Variants in RAD18 observed in about 807,000 individuals in gnomAD.
RAD18 encodes RAD18 E3 ubiquitin protein ligase, also known as E3 ubiquitin-protein ligase RAD18.
In RAD18, 47 loss-of-function variants were observed where a neutral mutation model predicts 60.4. The observed-to-expected ratio is 0.78, with a 90% CI of 0.62 to 0.99. The LOEUF is 0.99. Ranked by LOEUF, RAD18 falls within the 50% of genes least tolerant of loss-of-function variation. The pLI, the probability that RAD18 is intolerant of heterozygous loss-of-function variation, is 0.00. For missense variants in RAD18, 640 were observed against 593.3 expected (o/e 1.08, Z -0.82); for synonymous variants, 225 against 195.5 (o/e 1.15, Z -1.26).
intron 7 of RAD18, among the ~76,000 whole-genome samples, chr3:8,924,119 A>G (rs1188774861): frequency 6.6e-6 from 1 of 152,194 alleles, no homozygotes; most frequent in African/African-American, 2.4e-5. Flanking sequence ...AGACTGGCAA[A>G]TTGGATAAAG....
At position 8,947,338 on chromosome 3, in the gene RAD18, A is replaced by G. The variant is rs749270627; in HGVS notation, c.196-48T>C. ...GGAAAAAGGTCAAAAACAATAATCA[A>G]CTTGTCATAATCTTGTTTTTGAAAA... On this transcript the variant is annotated intron_variant, in intron 3 of 12. Coordinates refer to ENST00000264926, the MANE Select transcript of RAD18 (RefSeq NM_020165.4). 4 of 1,427,720 alleles carry G rather than the reference A, an allele frequency of 2.8e-6. No individual in the cohort carries two copies. In the East Asian group the frequency reaches 6.9e-5, roughly 25 times the overall value. The allele number at this position is 1,427,720 out of a possible 1,614,324, so 88.4% of individuals were successfully genotyped here.
At chr3:8,922,456 G>A (rs657201) in intron 7 of RAD18, among the ~76,000 whole-genome samples, 105,226 of 152,164 alleles carry the variant, frequency 0.69, 36,938 homozygotes, top group Middle Eastern at 0.77. Context: ...AGCTCAAGGA[G>A]GCCTGCCTGC....
intron 6 of RAD18, 99 bp from the exon 7 acceptor site, chr3:8,936,154 GAA>G: frequency 8.9e-7 from 1 of 1,123,786 alleles, no homozygotes. Context: ...GGGTGACCGG[GAA>G]AATAGTAGAA....
At chr3:8,881,494 G>C in intron 12 of RAD18, 35 bp from the exon 13 acceptor site, 2 of 1,507,588 alleles carry the variant, frequency 1.3e-6, no homozygotes, top group African/African-American at 1.4e-5. Context: ...ATCTTGGAAA[G>C]TAATGATTAT....
chr3:8,956,172 C>T (rs748338904), intron 2 of RAD18, among the ~76,000 whole-genome samples: 1 of 152,164 alleles, frequency 6.6e-6, no homozygotes. Context: ...GAACTTTCAC[C>T]TTTTCACTTA....
chr3:8,958,022 T>G (rs1196769056), intron 2 of RAD18, among the ~76,000 whole-genome samples: 1 of 152,242 alleles, frequency 6.6e-6, no homozygotes, highest in Non-Finnish European at 1.5e-5. Flanking sequence ...CTAACATTGT[T>G]AAGGACTCAT....
chr3:8,898,503 T>A (rs934541878), intron 11 of RAD18, among the ~76,000 whole-genome samples: 1 of 152,160 alleles, frequency 6.6e-6, no homozygotes, highest in Non-Finnish European at 1.5e-5. Flanking sequence ...TCTATTCTAT[T>A]TACTCAGTTA....
At chr3:8,913,161 G>T (rs542833033) in intron 8 of RAD18, among the ~76,000 whole-genome samples, 2 of 152,314 alleles carry the variant, frequency 1.3e-5, no homozygotes, top group East Asian at 3.9e-4. Flanking sequence ...GAAGGCAACA[G>T]TGAAGAATTT....
At chr3:8,941,105 A>G (rs1386630574) in intron 5 of RAD18, among the ~76,000 whole-genome samples, 1 of 152,208 alleles carries the variant, frequency 6.6e-6, no homozygotes, top group Non-Finnish European at 1.5e-5. Flanking sequence ...TATGGCAGGC[A>G]GAACAGTGAG....
intron 9 of RAD18, among the ~76,000 whole-genome samples, chr3:8,904,340 G>A (rs1452448337): frequency 6.6e-6 from 1 of 152,146 alleles, no homozygotes; most frequent in East Asian, 1.9e-4. Flanking sequence ...AAATTGTGAC[G>A]CACAAGGAAG....
chr3:8,925,204 C>T (rs966005793), intron 7 of RAD18, among the ~76,000 whole-genome samples: 19 of 149,126 alleles, frequency 1.3e-4, no homozygotes, highest in African/African-American at 3.2e-4. Context: ...ATCAAATAGA[C>T]GCAATAAAAA....
At chr3:8,913,621 A>G in intron 8 of RAD18, 23 bp downstream of exon 8, 1 of 1,454,136 alleles carries the variant, frequency 6.9e-7, no homozygotes. Context: ...CTATCCATAT[A>G]CTGAAATAGC....
intron 7 of RAD18, among the ~76,000 whole-genome samples, chr3:8,923,981 C>G (rs1231727565): frequency 1.3e-5 from 2 of 152,196 alleles, no homozygotes; most frequent in African/African-American, 4.8e-5. Context: ...TAAAGACCAT[C>G]AAGGCTAGGA....
intron 1 of RAD18, 75 bp from the exon 2 acceptor site, chr3:8,959,076 T>G: frequency 3.2e-5 from 37 of 1,157,202 alleles, no homozygotes; most frequent in Non-Finnish European, 4.4e-5. Flanking sequence ...ACTTTTTCTC[T>G]ATCCCCTAAA....
chr3:8,902,696 G>A (rs766102330), intron 9 of RAD18, among the ~76,000 whole-genome samples, 176 bp from the exon 10 acceptor site: 16 of 151,980 alleles, frequency 1.1e-4, no homozygotes, highest in East Asian at 1.9e-4. Context: ...CGAAACCAGC[G>A]TGGCCAGCAT....
intron 7 of RAD18, among the ~76,000 whole-genome samples, chr3:8,926,115 T>C (rs1286561736): frequency 6.6e-6 from 1 of 152,024 alleles, no homozygotes; most frequent in Non-Finnish European, 1.5e-5. Context: ...AAAGAGGAAG[T>C]CAAATTGTCC....
chr3:8,882,809 T>G (rs1378275454), intron 12 of RAD18, among the ~76,000 whole-genome samples: 1 of 152,060 alleles, frequency 6.6e-6, no homozygotes, highest in African/African-American at 2.4e-5. Flanking sequence ...ACTAGGAAAC[T>G]CCAATCCAGG....
At chr3:8,902,347 G>A (rs113222940) in intron 10 of RAD18, 33 bp downstream of exon 10, 13 of 1,441,932 alleles carry the variant, frequency 9.0e-6, no homozygotes, top group South Asian at 7.5e-5. Flanking sequence ...AATGAAATTC[G>A]ACATATGTCT....
intron 12 of RAD18, among the ~76,000 whole-genome samples, chr3:8,884,399 CTT>C (rs1388053100): frequency 1.3e-5 from 2 of 152,112 alleles, no homozygotes; most frequent in African/African-American, 4.8e-5. Flanking sequence ...TGCTATCACT[CTT>C]ATCATTTTTA....
Sources: gnomAD v4.1 joint callset for allele counts (sites outside exome capture counted in the v4.1 genomes callset) on GRCh38, gnomAD v4.1.1 for gene constraint, MANE v1.5 for transcripts, NCBI Gene and HGNC (gene_info 2026-07-23, HGNC 2026-07-21) for gene names.